Variants in KIR3DL1 observed in about 807,000 individuals in gnomAD.
KIR3DL1 encodes the protein killer cell immunoglobulin-like receptor 3DL1.
KIR3DL1 carries 50 observed loss-of-function variants against 40.3 expected under a neutral mutation model. The ratio of observed to expected loss-of-function variants is 1.24; its 90% CI spans 0.99 to 1.57. The LOEUF (loss-of-function observed/expected upper bound fraction) is 1.57. Ranked by LOEUF, KIR3DL1 falls within the 40% of genes most tolerant of loss-of-function variation. The pLI is 0.00. For missense variants in KIR3DL1, 661 were observed against 559.9 expected, an observed-to-expected ratio of 1.18 and a Z score of -1.82; for synonymous variants, 257 against 207.2, an observed-to-expected ratio of 1.24 and a Z score of -2.07.
chr19:54,821,169 T>C (rs143056757), intron 4 of KIR3DL1, among the ~76,000 whole-genome samples: 1,617 of 149,784 alleles, frequency 0.011, 75 homozygotes, highest in African/African-American at 0.038. Context: ...GAGAGATAGA[T>C]AAGTGATACA....
chr19:54,821,710 T>A, exon 5 of KIR3DL1: 1 of 1,609,100 alleles, frequency 6.2e-7, no homozygotes, highest in Non-Finnish European at 8.5e-7. Flanking sequence ...GTAGGCTCCC[T>A]GCAGTGCGCA....
In KIR3DL1 at chr19:54,819,698, A is replaced by C; in HGVS notation, c.356-15A>C. The C allele has an allele frequency of 6.2e-7, 1 of 1,604,756 alleles. No homozygotes were observed. Among genetic ancestry groups the C allele is most frequent in the Non-Finnish European group, 8.5e-7 (1 of 1,175,462 alleles). On this transcript the variant is annotated splice_polypyrimidine_tract_variant and intron_variant, in intron 3 of 8. Transcript: ENST00000391728. ...AAAGAGAGATGCCTTCTAAACTCAC[A>C]ACTTCTCTTTCTAGGAAACCACAGA...
At chr19:54,823,550 T>C (rs1261758199) in intron 5 of KIR3DL1, among the ~76,000 whole-genome samples, 3 of 151,186 alleles carry the variant, frequency 2.0e-5, no homozygotes, top group Admixed American at 6.6e-5. Flanking sequence ...CAGGCTGGAG[T>C]GCAAGGGTGT....
intron 5 of KIR3DL1, among the ~76,000 whole-genome samples, chr19:54,823,777 CCA>C (rs2061753331): frequency 6.6e-6 from 1 of 151,586 alleles, no homozygotes; most frequent in Non-Finnish European, 1.5e-5. Flanking sequence ...CAGGCGTGAG[CCA>C]CCGGCCTAAA....
At position 54,821,688 on chromosome 19, in the gene KIR3DL1, G is replaced by C. The variant is rs201795773; in HGVS notation, c.779G>C (p.Gly260Ala). The change falls in exon 5 of 9, where the codon GGA (glycine) becomes GCA (alanine). Residue 260 changes from glycine (G) to alanine (A), a missense_variant. Physicochemically the swap from Gly to Ala is moderately conservative, Grantham distance 60. Coordinates refer to ENST00000391728, the Ensembl canonical transcript of KIR3DL1. ...ATGTACCATCTATCCAGGGAGGGGGGAGCCCATGAACGTAGGCTCCCTGCA... is the reference window on the plus strand; with the variant it reads ...ATGTACCATCTATCCAGGGAGGGGGCAGCCCATGAACGTAGGCTCCCTGCA... 4 of 1,609,206 alleles carry C rather than the reference G, an allele frequency of 2.5e-6. No homozygotes were observed. In the African/African-American group the frequency reaches 5.4e-5, roughly 22 times the overall value.
Position 54,821,718 on chromosome 19 carries a change from G to T in KIR3DL1, c.809G>T (p.Arg270Leu), listed in dbSNP as rs193921077. The change falls in exon 5 of 9, where the codon CGC becomes CTC. Residue 270 changes from arginine to leucine, a missense_variant. Physicochemically the swap from Arg to Leu is moderately radical, Grantham distance 102. This residue lies in a region of KIR3DL1 where 548 missense variants were observed against 413.3 expected (regional missense o/e 1.33). Transcript: ENST00000391728. ...CATGAACGTAGGCTCCCTGCAGTGC[G>T]CAAGGTCAACAGAACATTCCAGGCA... 8.7e-6 allele frequency: 14 copies of T among 1,608,410 alleles called. 1 individual carries two copies. In the East Asian group the frequency reaches 1.3e-4, roughly 15 times the overall value.
At chr19:54,818,441 T>A (rs531305611) in exon 3 of KIR3DL1, 1 of 1,607,338 alleles carries the variant, frequency 6.2e-7, no homozygotes, top group South Asian at 1.1e-5. Context: ...GAAGACAGAA[T>A]CCACATTCCC....
chr19:54,820,526 C>A (rs1452385526), intron 4 of KIR3DL1, among the ~76,000 whole-genome samples: 2 of 151,400 alleles, frequency 1.3e-5, no homozygotes, highest in Non-Finnish European at 2.9e-5. Context: ...CCCCTGAACA[C>A]CAACCCCTGT....
rs773183351 is a variant in KIR3DL1 at position 54,821,640 on chromosome 19, G to T, written c.731G>T (p.Cys244Phe). The change falls in exon 5 of 9, where the codon TGT becomes TTT. Residue 244 changes from cysteine to phenylalanine, a missense_variant. Physicochemically the swap from Cys to Phe is radical, Grantham distance 205. Around this residue, in one of 3 missense-constraint regions of KIR3DL1, gnomAD observed 548 missense variants for 413.3 expected, o/e 1.33. Coordinates refer to ENST00000391728, the Ensembl canonical transcript of KIR3DL1. ...GCAGGAGAGAGCGTGACCTTGTCCT[G>T]TAGCTCCCGGAGCTCCTATGACATG... The T allele has an allele frequency of 2.5e-6, 4 of 1,609,586 alleles. No homozygotes were observed. In the South Asian group the frequency reaches 3.3e-5, roughly 13 times the overall value.
At chr19:54,817,625 G>T in intron 2 of KIR3DL1, 56 bp downstream of exon 2, 1 of 1,378,922 alleles carries the variant, frequency 7.3e-7, no homozygotes, top group South Asian at 1.2e-5. Context: ...GGATTTTCCT[G>T]AAATGGGAGG....
At chr19:54,830,212 T>C (rs1235569211) in exon 9 of KIR3DL1, 2 of 1,523,394 alleles carry the variant, frequency 1.3e-6, no homozygotes, top group African/African-American at 1.4e-5. Context: ...CCCCTACAGA[T>C]ACCATCTTGT....
At position 54,820,894 on chromosome 19, in the gene KIR3DL1, G is replaced by A. The variant is rs745699129; in HGVS notation, c.656-671G>A. On this transcript the variant is annotated intron_variant, in intron 4 of 8. Transcript: ENST00000391728. ...GCAGAGAAAGACAAGGAGACGGAGAGAGAGAGATGATAGATGGATAGATAG... is the reference window on the plus strand; with the variant it reads ...GCAGAGAAAGACAAGGAGACGGAGAAAGAGAGATGATAGATGGATAGATAG... 7.3e-5 allele frequency among the ~76,000 whole-genome samples: 11 copies of A among 151,222 alleles called. 1 individual carries two copies. In the South Asian group the frequency reaches 2.1e-3, roughly 29 times the overall value.
At position 54,828,112 on chromosome 19, in the gene KIR3DL1, C is replaced by G. The variant is rs1318103387; in HGVS notation, c.1001-1249C>G. Among the ~76,000 whole-genome samples, 4 of 150,842 alleles carry G rather than the reference C, an allele frequency of 2.7e-5. 1 individual carries two copies. The highest frequency in any genetic ancestry group is 7.4e-5 in the African/African-American group (3 of 40,518). ...CCTTCCCCCAGCCTCTGAGGTAGAA[C>G]AGCAGCCTAACATGTGTCTCCCGAG... On this transcript the variant is annotated intron_variant, in intron 6 of 8. Transcript: ENST00000391728.
At chr19:54,821,354 A>G (rs2061623212) in intron 4 of KIR3DL1, among the ~76,000 whole-genome samples, 1 of 151,176 alleles carries the variant, frequency 6.6e-6, no homozygotes. Context: ...AAAAGGGAAA[A>G]CATACCTCAG....
At chr19:54,824,850 C>T (rs1467671893) in intron 5 of KIR3DL1, among the ~76,000 whole-genome samples, 178 bp from the exon 6 acceptor site, 2 of 150,174 alleles carry the variant, frequency 1.3e-5, no homozygotes, top group Non-Finnish European at 3.0e-5. Context: ...TCTCTTTATA[C>T]CTTCAAGTCT....
intron 6 of KIR3DL1, among the ~76,000 whole-genome samples, chr19:54,828,166 G>A (rs2062007144): frequency 6.6e-6 from 1 of 150,854 alleles, no homozygotes; most frequent in African/African-American, 2.5e-5. Context: ...TTTCACACGG[G>A]CTTCAACACT....
chr19:54,823,163 T>C (rs2061723534), intron 5 of KIR3DL1, among the ~76,000 whole-genome samples: 1 of 150,942 alleles, frequency 6.6e-6, no homozygotes, highest in Admixed American at 6.6e-5. Flanking sequence ...GCCTCCCTAG[T>C]AGCTGTGATT....
At chr19:54,830,186 C>A (rs181925412) in exon 9 of KIR3DL1, 3 of 1,524,550 alleles carry the variant, frequency 2.0e-6, no homozygotes, top group Non-Finnish European at 2.7e-6. Flanking sequence ...TCGCCCTTCT[C>A]AGAGGCCCAA....
At chr19:54,818,503 A>G in exon 3 of KIR3DL1, 1 of 1,611,292 alleles carries the variant, frequency 6.2e-7, no homozygotes, top group Non-Finnish European at 8.5e-7. Context: ...CCCTGTGACC[A>G]CAGCACATGC....
Sources: gnomAD v4.1 joint callset for allele counts (sites outside exome capture counted in the v4.1 genomes callset) on GRCh38, gnomAD v4.1.1 for gene constraint, gnomAD v4.1.1 regional missense constraint, MANE v1.5 for transcripts, NCBI Gene and HGNC (gene_info 2026-07-23, HGNC 2026-07-21) for gene names.